Variants in UNKL observed in about 807,000 individuals in gnomAD.
The protein encoded by UNKL is putative E3 ubiquitin-protein ligase UNKL.
A neutral mutation model predicts 78.0 loss-of-function variants in UNKL; 60 were observed. The ratio of observed to expected loss-of-function variants is 0.77; its 90% CI spans 0.63 to 0.95. The LOEUF (loss-of-function observed/expected upper bound fraction) is 0.95. Ranked by LOEUF, UNKL falls within the 40% of genes least tolerant of loss-of-function variation. The pLI, the probability that UNKL is intolerant of heterozygous loss-of-function variation, is 0.00. For missense variants in UNKL, 1,159 were observed against 1,045.7 expected (o/e 1.11, Z -1.49); for synonymous variants, 608 against 474.8 (o/e 1.28, Z -3.65).
At chr16:1,407,111 T>A (rs1411018101) in intron 2 of UNKL, among the ~76,000 whole-genome samples, 1 of 148,136 alleles carries the variant, frequency 6.8e-6, no homozygotes, top group Non-Finnish European at 1.5e-5. Flanking sequence ...ATCGTGTCAC[T>A]GCACTCCAGC....
intron 14 of UNKL, among the ~76,000 whole-genome samples, chr16:1,366,806 G>C (rs1026603317): frequency 3.3e-5 from 5 of 151,710 alleles, no homozygotes; most frequent in East Asian, 1.9e-4. Flanking sequence ...TCACAGCTGT[G>C]AACAGGGAGG....
chr16:1,385,770 C>T (rs1028097276), intron 9 of UNKL, among the ~76,000 whole-genome samples: 1 of 152,250 alleles, frequency 6.6e-6, no homozygotes, highest in African/African-American at 2.4e-5. Flanking sequence ...CCCCACACCT[C>T]CTGGGTGCCC....
In UNKL at chr16:1,367,658, G is replaced by A. The variant is rs1486252235; in HGVS notation, c.1786C>T (p.Gln596Ter). Residue 596 changes from glutamine to a stop codon, truncating the protein, a stop_gained and splice_region_variant, in exon 13 of 15, where the codon CAG becomes TAG. Coordinates refer to ENST00000389221, the MANE Select transcript of UNKL (RefSeq NM_001372107.1). LOFTEE classifies it high-confidence loss of function. ...GTCTGGCCCCCCCACACACTCACCT[G>A]CTTCACCTGCTGCCAGGACTCCTCC... The part of the protein sequence containing the change: ...QWEESWQQVK[Q>*]VCDAWQREAQ... The A allele has an allele frequency of 6.7e-7, 1 of 1,495,430 alleles. No homozygotes were observed. The highest frequency in any genetic ancestry group is 9.0e-7 in the Non-Finnish European group (1 of 1,114,468). The allele number at this position is 1,495,430 out of a possible 1,614,324, so 92.6% of individuals were successfully genotyped here. A position where few individuals can be genotyped will look rare whatever the true frequency, so the allele number is the denominator to read the frequency against.
Position 1,399,187 on chromosome 16 carries a change from G to A in UNKL, c.734+187C>T, listed in dbSNP as rs1383213409. 8.5e-7 allele frequency: 1 copy of A among 1,174,386 alleles called. No homozygotes were observed. The highest frequency in any genetic ancestry group is 1.2e-6 in the Non-Finnish European group (1 of 865,138). 72.7% of individuals were successfully genotyped at this position (1,174,386 alleles called of 1,614,324 possible). A position where few individuals can be genotyped will look rare whatever the true frequency, so the allele number is the denominator to read the frequency against. ...GCGTAGGTGGGGAGGCCCATCCCCA[G>A]GACAGACGCGTGGGCCTCCATGGCA... is the stretch of plus-strand genomic sequence containing the variant. On this transcript the variant is annotated intron_variant, in intron 5 of 14. Transcript: ENST00000389221. This position sits in a 1 kb window ranked among gnomAD's most constrained non-coding sequence, Gnocchi z 5.8.
At chr16:1,381,591 G>C (rs1453656169) in intron 10 of UNKL, among the ~76,000 whole-genome samples, 1 of 152,200 alleles carries the variant, frequency 6.6e-6, no homozygotes, top group East Asian at 1.9e-4. Flanking sequence ...TTGCACTCCA[G>C]CCTGCACAAC....
chr16:1,366,325 G>A lies in UNKL; in HGVS notation c.2117C>T (p.Pro706Leu), dbSNP rs1239940915. 1 of 1,604,026 alleles carries A rather than the reference G, an allele frequency of 6.2e-7. No homozygotes were observed. Among genetic ancestry groups the A allele is most frequent in the South Asian group, 1.1e-5 (1 of 89,476 alleles). ...RERAHGAVLR[P>L]CQHHILCEPC... The stretch of plus-strand genomic sequence containing the variant: ...CTCACAGAGGATGTGGTGCTGACAG[G>A]GCCGCAGGACAGCACCGTGGGCCCG... Residue 706 changes from proline to leucine, a missense_variant, in exon 15 of 15, where the codon CCC becomes CTC. Coordinates refer to ENST00000389221, the MANE Select transcript of UNKL (RefSeq NM_001372107.1).
chr16:1,374,772 G>A (rs543012334), intron 10 of UNKL, among the ~76,000 whole-genome samples: 3 of 152,278 alleles, frequency 2.0e-5, no homozygotes, highest in South Asian at 4.1e-4. Flanking sequence ...ACCACACAGG[G>A]GGCATCCCAA....
intron 10 of UNKL, among the ~76,000 whole-genome samples, chr16:1,371,857 A>C (rs4984646): frequency 0.92 from 139,675 of 152,292 alleles, 64,099 homozygotes; most frequent in East Asian, 1. Context: ...CGCACCACAG[A>C]CCAGCAGCTG....
Position 1,387,959 on chromosome 16 carries a change from C to T in UNKL, c.1087-2574G>A, listed in dbSNP as rs1432469897. ...CACCAGTAGCCTAGAGGCCACCGCC[C>T]GGGTCACAGTCACCCCTGTGGATGT... On this transcript the variant is annotated intron_variant, in intron 9 of 14. Coordinates refer to ENST00000389221, the MANE Select transcript of UNKL (RefSeq NM_001372107.1). The surrounding 1 kb of genome is among the most constrained non-coding windows in gnomAD (Gnocchi z 4.1). Among the ~76,000 whole-genome samples, 1 of 152,182 alleles carries T rather than the reference C, an allele frequency of 6.6e-6. No homozygotes were observed. The highest frequency in any genetic ancestry group is 2.4e-5 in the African/African-American group (1 of 41,452).
At chr16:1,404,417 C>A (rs2037660207) in intron 2 of UNKL, among the ~76,000 whole-genome samples, 1 of 152,206 alleles carries the variant, frequency 6.6e-6, no homozygotes, top group African/African-American at 2.4e-5. Context: ...CCTCTAAGGT[C>A]AGGAAACAGA....
At chr16:1,401,519 C>T (rs1342999764) in intron 4 of UNKL, 49 bp downstream of exon 4, 1 of 1,465,658 alleles carries the variant, frequency 6.8e-7, no homozygotes, top group Admixed American at 2.3e-5. Context: ...TGTTCTCGCG[C>T]TGTGCCCGCC....
In UNKL at chr16:1,414,089, G is replaced by C. The variant is rs112850588; in HGVS notation, c.78-34C>G. The C allele has an allele frequency of 3.1e-4, 474 of 1,519,958 alleles. 8 individuals are homozygous for C. In the South Asian group the frequency reaches 5.4e-3, roughly 17 times the overall value. The allele number at this position is 1,519,958 out of a possible 1,614,324, so 94.2% of individuals were successfully genotyped here. On this transcript the variant is annotated intron_variant, in intron 1 of 14. Transcript: ENST00000389221. ...ACAGACAGCGCCGCGGCTCGCTTCC[G>C]GCAGCACCTCCAGGGACTCGGACTC...
intron 2 of UNKL, among the ~76,000 whole-genome samples, chr16:1,410,034 G>A (rs991360635): frequency 6.6e-6 from 1 of 152,018 alleles, no homozygotes; most frequent in African/African-American, 2.4e-5. Context: ...AGCCCAGATC[G>A]CACCACTTCA....
At chr16:1,388,935 G>A (rs989076821) in intron 9 of UNKL, among the ~76,000 whole-genome samples, 2 of 152,330 alleles carry the variant, frequency 1.3e-5, no homozygotes, top group African/African-American at 2.4e-5. Flanking sequence ...CAGTGGCCAT[G>A]GTTTGGTGTA....
At chr16:1,368,827 G>A (rs552616879) in intron 12 of UNKL, among the ~76,000 whole-genome samples, 108 of 152,158 alleles carry the variant, frequency 7.1e-4, no homozygotes, top group African/African-American at 2.5e-3. Context: ...TTTTAACCCG[G>A]AAGGCAGAGG....
In UNKL at chr16:1,390,680, G is replaced by C. The variant is rs1188301842; in HGVS notation, c.1038C>G (p.Asp346Glu). The C allele has an allele frequency of 7.8e-6, 12 of 1,536,064 alleles. No homozygotes were observed. Among genetic ancestry groups the C allele is most frequent in the East Asian group, 4.9e-5 (2 of 40,910 alleles). The change falls in exon 9 of 15, where the codon GAC becomes GAG. Residue 346 changes from aspartate (D) to glutamate (E), a missense_variant. Physicochemically the swap from Asp to Glu is conservative, Grantham distance 45 (BLOSUM62 2). Transcript: ENST00000389221. ...CCCTAGGGCCACCCTCGGCCGGCGA[G>C]TCTCTCCGCTTGGCCTGCAACATAA... ...SGQPGNAKRRDSPAEGGPRGS... is the reference protein window; with the variant it reads ...SGQPGNAKRRESPAEGGPRGS...
chr16:1,402,664 A>G (rs981959833), intron 3 of UNKL, among the ~76,000 whole-genome samples: 3 of 150,574 alleles, frequency 2.0e-5, no homozygotes, highest in Non-Finnish European at 3.0e-5. Flanking sequence ...TTCCATCTCA[A>G]AAAACAAAAA....
rs892886406 is a variant in UNKL at position 1,372,005 on chromosome 16, C to T, written c.1265-394G>A. ...GGTGCGGTGGCTCACACCTGTAATC[C>T]CAGCACTTTGGGAGGCCGAGGTGGG... On this transcript the variant is annotated intron_variant, in intron 10 of 14. Transcript: ENST00000389221. 5.3e-5 allele frequency among the ~76,000 whole-genome samples: 8 copies of T among 152,242 alleles called. No homozygotes were observed. In the East Asian group the frequency reaches 1.4e-3, roughly 26 times the overall value.
Position 1,375,394 on chromosome 16 carries a change from G to C in UNKL, c.1265-3783C>G, listed in dbSNP as rs111838515. On this transcript the variant is annotated intron_variant, in intron 10 of 14. Coordinates refer to ENST00000389221, the MANE Select transcript of UNKL (RefSeq NM_001372107.1). ...CACCCCCACCCCACTCCACCGCACA[G>C]CACGACCCAGACTCAACCCTCGTCC... Among the ~76,000 whole-genome samples the C allele has an allele frequency of 1.0e-3, 155 of 152,310 alleles. 1 individual carries two copies. Among genetic ancestry groups the C allele is most frequent in the African/African-American group, 3.0e-3 (126 of 41,576 alleles).
Sources: allele counts gnomAD v4.1 joint callset (sites outside exome capture counted in the v4.1 genomes callset), GRCh38; gene constraint gnomAD v4.1.1; non-coding constraint Gnocchi (gnomAD v3.1); transcripts MANE v1.5; gene names NCBI Gene and HGNC (gene_info 2026-07-23, HGNC 2026-07-21).